Variants in RNF115 observed in about 807,000 individuals in gnomAD.
RNF115 encodes the protein E3 ubiquitin-protein ligase RNF115.
A neutral mutation model predicts 39.2 loss-of-function variants in RNF115; 31 were observed. The ratio of observed to expected loss-of-function variants is 0.79; its 90% CI spans 0.59 to 1.07. RNF115 has a LOEUF of 1.07. Ranked by LOEUF, RNF115 falls within the 50% of genes least tolerant of loss-of-function variation. RNF115 has a pLI of 0.00. For missense variants in RNF115, 384 were observed against 381.7 expected (o/e 1.01, Z -0.05); for synonymous variants, 124 against 131.0 (o/e 0.95, Z 0.37).
intron 3 of RNF115, 154 bp from the exon 4 acceptor site, chr1:145,772,073 A>G: frequency 1.6e-6 from 1 of 633,898 alleles, no homozygotes; most frequent in Non-Finnish European, 2.7e-6. Flanking sequence ...TTGGTCTGTA[A>G]AACTATTACA....
At chr1:145,750,747 GC>G (rs1414182169) in intron 6 of RNF115, among the ~76,000 whole-genome samples, 1 of 152,132 alleles carries the variant, frequency 6.6e-6, no homozygotes, top group Non-Finnish European at 1.5e-5. Context: ...CCACCTCTAG[GC>G]ATAAAGCAAC....
At chr1:145,755,379 A>G (rs1358657789) in intron 4 of RNF115, among the ~76,000 whole-genome samples, 2 of 152,158 alleles carry the variant, frequency 1.3e-5, no homozygotes, top group Non-Finnish European at 2.9e-5. Context: ...GCCAACAGCC[A>G]GAACAAACCT....
intron 3 of RNF115, 24 bp downstream of exon 3, chr1:145,784,515 T>A (rs1014810876): frequency 6.2e-7 from 1 of 1,607,750 alleles, no homozygotes; most frequent in Non-Finnish European, 8.5e-7. Context: ...CTTAAAGAAT[T>A]CCTACAGCTA....
chr1:145,808,285 T>C (rs1553721920), intron 1 of RNF115, among the ~76,000 whole-genome samples: 1 of 152,144 alleles, frequency 6.6e-6, no homozygotes, highest in African/African-American at 2.4e-5. Context: ...ATAGTGACCA[T>C]ACTAATTTAC....
intron 1 of RNF115, among the ~76,000 whole-genome samples, chr1:145,789,700 CTTTTTTTTT>C (rs67276251): frequency 1.0e-3 from 89 of 86,756 alleles, no homozygotes; most frequent in Non-Finnish European, 1.5e-3. Context: ...ACCCGGACTT[CTTTTTTTTT>C]TTTTTTTTTT....
chr1:145,762,715 C>T (rs1167943024), intron 4 of RNF115, among the ~76,000 whole-genome samples: 1 of 151,518 alleles, frequency 6.6e-6, no homozygotes, highest in Admixed American at 6.6e-5. Flanking sequence ...AGTCAGTTCT[C>T]AAAATCTGAG....
intron 4 of RNF115, among the ~76,000 whole-genome samples, chr1:145,767,935 T>C (rs1647440197): frequency 1.2e-5 from 1 of 85,856 alleles, no homozygotes; most frequent in African/African-American, 5.7e-5. Flanking sequence ...ACAGTCCAGC[T>C]TCGGCTCGGC....
At chr1:145,751,374 A>G in intron 6 of RNF115, 64 bp downstream of exon 6, 1 of 1,145,458 alleles carries the variant, frequency 8.7e-7, no homozygotes, top group South Asian at 1.4e-5. Context: ...AGCAGAAGGA[A>G]AGCAGGAAGC....
intron 4 of RNF115, among the ~76,000 whole-genome samples, chr1:145,763,537 A>G (rs1553714149): frequency 6.6e-6 from 1 of 152,140 alleles, no homozygotes; most frequent in Non-Finnish European, 1.5e-5. Flanking sequence ...ATCTCTACTA[A>G]AAATACAAAA....
rs1553718525 is a variant in RNF115, at chr1:145,788,910, G to A, written c.159C>T (p.Ser53=). 6.3e-7 allele frequency: 1 copy of A among 1,589,420 alleles called. No homozygotes were observed. The highest frequency in any genetic ancestry group is 8.6e-7 in the Non-Finnish European group (1 of 1,160,436). Residue 53 remains serine, a splice_region_variant and synonymous_variant, in exon 2 of 9, where the codon TCC becomes TCT. Transcript: ENST00000582693. ...TTATTCATGAGCTTGTACAATACCT[G>A]GAATCATCTGTCACTTCTTCAATAA... ...SGFIEEVTDD[S]SFLGGGGSRI...
chr1:145,764,638 A>G (rs1272349941), intron 4 of RNF115, among the ~76,000 whole-genome samples: 139 of 91,792 alleles, frequency 1.5e-3, no homozygotes, highest in Non-Finnish European at 1.8e-3. Flanking sequence ...GAGCCCCTCC[A>G]CCCGGCAGCC....
chr1:145,792,792 C>G (rs1054905954), intron 1 of RNF115, among the ~76,000 whole-genome samples: 1 of 152,050 alleles, frequency 6.6e-6, no homozygotes, highest in Non-Finnish European at 1.5e-5. Flanking sequence ...CAGATAGGGG[C>G]CAGAATGTAG....
At chr1:145,796,222 T>G (rs1418752762) in intron 1 of RNF115, among the ~76,000 whole-genome samples, 1 of 152,196 alleles carries the variant, frequency 6.6e-6, no homozygotes, top group Admixed American at 6.5e-5. Flanking sequence ...TCCAGCTATG[T>G]TAAGGGTCCA....
chr1:145,757,705 G>A (rs1273461215), intron 4 of RNF115, among the ~76,000 whole-genome samples: 2 of 152,200 alleles, frequency 1.3e-5, no homozygotes, highest in Non-Finnish European at 2.9e-5. Flanking sequence ...CAGAATTGCT[G>A]TGAACCAGCA....
At chr1:145,767,841 C>T (rs1352386666) in intron 4 of RNF115, among the ~76,000 whole-genome samples, 2 of 152,242 alleles carry the variant, frequency 1.3e-5, no homozygotes, top group African/African-American at 4.8e-5. Flanking sequence ...GGCGTGGCGG[C>T]GCGCGCCCGC....
At chr1:145,757,111 C>CA (rs1464989284) in intron 4 of RNF115, among the ~76,000 whole-genome samples, 1 of 152,046 alleles carries the variant, frequency 6.6e-6, no homozygotes, top group African/African-American at 2.4e-5. Flanking sequence ...GCTGAGATTA[C>CA]AGGAGTAAGC....
chr1:145,823,818 C>A lies in RNF115; in HGVS notation c.56G>T (p.Arg19Leu), dbSNP rs781797168. ...GCCCTTGCAAAAGTGGCAGAAAAAC[C>A]GGTGGGCGGCTACAGCGGCGCCCGA... The part of the protein sequence containing the change: ...ADSGAAVAAH[R>L]FFCHFCKGEV... Residue 19 changes from arginine (R) to leucine (L), a missense_variant, in exon 1 of 9, where the codon CGG (arginine) becomes CTG (leucine). By Grantham distance (102) the Arg-to-Leu change is moderately radical (BLOSUM62 -2). Coordinates refer to ENST00000582693, the MANE Select transcript of RNF115 (RefSeq NM_014455.4). The A allele has an allele frequency of 1.3e-6, 2 of 1,585,382 alleles. No homozygotes were observed. Among genetic ancestry groups the A allele is most frequent in the Non-Finnish European group, 1.7e-6 (2 of 1,169,224 alleles).
At chr1:145,765,143 CAT>C (rs1553714586) in intron 4 of RNF115, among the ~76,000 whole-genome samples, 2 of 151,922 alleles carry the variant, frequency 1.3e-5, no homozygotes, top group African/African-American at 2.4e-5. Context: ...CTCTCTGAAA[CAT>C]GTGCTGTGTC....
chr1:145,771,378 C>T (rs1341251793), intron 4 of RNF115, among the ~76,000 whole-genome samples: 1 of 152,200 alleles, frequency 6.6e-6, no homozygotes, highest in Non-Finnish European at 1.5e-5. Context: ...ACTTCCCAGC[C>T]TCCAGAAATA....
Sources: allele counts gnomAD v4.1 joint callset (sites outside exome capture counted in the v4.1 genomes callset), GRCh38; gene constraint gnomAD v4.1.1; transcripts MANE v1.5; gene names NCBI Gene and HGNC (gene_info 2026-07-23, HGNC 2026-07-21).